COPG1: variants seen among roughly 807,000 people sequenced by gnomAD.
The protein encoded by COPG1 is coatomer subunit gamma-1.
In COPG1, 29 loss-of-function variants were observed where a neutral mutation model predicts 102.8. The ratio of observed to expected loss-of-function variants is 0.28; its 90% CI spans 0.21 to 0.38. The LOEUF (loss-of-function observed/expected upper bound fraction) is 0.38. COPG1 is among the 10% of genes least tolerant of loss of function. The pLI, the probability that COPG1 is intolerant of heterozygous loss-of-function variation, is 1.00. For missense variants in COPG1, 875 were observed against 1,132.7 expected (o/e 0.77, Z 3.27); for synonymous variants, 406 against 421.6 (o/e 0.96, Z 0.45).
Position 129,265,609 on chromosome 3 carries a change from T to G in COPG1, c.1285T>G (p.Ser429Ala), listed in dbSNP as rs1275854229. Residue 429 changes from serine (S) to alanine (A), a missense_variant, in exon 14 of 24, where the codon TCA becomes GCA. Coordinates refer to ENST00000314797, the MANE Select transcript of COPG1 (RefSeq NM_016128.4). ...CATCATCAGCATCATTGAAGAGAAC[T>G]CAGAGAGCAAGGAGACAGGGCTGTC... Reference protein sequence around the residue: ...DCIISIIEENSESKETGLSHL... With the variant: ...DCIISIIEENAESKETGLSHL... 7 of 1,614,158 alleles carry G rather than the reference T, an allele frequency of 4.3e-6. No homozygotes were observed. The highest frequency in any genetic ancestry group is 1.3e-5 in the African/African-American group (1 of 75,048).
At chr3:129,276,910 G>A (rs527453317) in intron 23 of COPG1, among the ~76,000 whole-genome samples, 132 of 143,304 alleles carry the variant, frequency 9.2e-4, no homozygotes, top group African/African-American at 3.3e-3. Context: ...TGCAACCTCC[G>A]CCTCCCGGGT....
At chr3:129,257,934 GAGAA>G in intron 10 of COPG1, 74 bp downstream of exon 10, 1 of 1,556,286 alleles carries the variant, frequency 6.4e-7, no homozygotes, top group Non-Finnish European at 8.7e-7. Context: ...CCCGGGCTAG[GAGAA>G]AGAAAGAAAA....
rs762084251 is a variant in COPG1, at chr3:129,265,573, A to G, written c.1249A>G (p.Ile417Val). ...EEGGFEYKRAIVDCIISIIEE... is the reference protein window; with the variant it reads ...EEGGFEYKRAVVDCIISIIEE... Reference sequence around the variant, plus strand: ...GGGTGGCTTTGAGTATAAGCGCGCTATCGTGGACTGCATCATCAGCATCAT... The same window carrying G: ...GGGTGGCTTTGAGTATAAGCGCGCTGTCGTGGACTGCATCATCAGCATCAT... The change falls in exon 14 of 24, where the codon ATC (isoleucine) becomes GTC (valine). Residue 417 changes from isoleucine (I) to valine (V), a missense_variant. Physicochemically the swap from Ile to Val is conservative, Grantham distance 29. Coordinates refer to ENST00000314797, the MANE Select transcript of COPG1 (RefSeq NM_016128.4). 39 of 1,614,198 alleles carry G rather than the reference A, an allele frequency of 2.4e-5. No individual in the cohort carries two copies. The highest frequency in any genetic ancestry group is 3.3e-5 in the Non-Finnish European group (39 of 1,180,032).
At position 129,277,551 on chromosome 3, in the gene COPG1, A is replaced by T; in HGVS notation, c.*127A>T. The T allele has an allele frequency of 4.4e-6, 4 of 899,654 alleles. No homozygotes were observed. Among genetic ancestry groups the T allele is most frequent in the Non-Finnish European group, 4.7e-6 (3 of 635,154 alleles). The allele number at this position is 899,654 out of a possible 1,614,324, so 55.7% of individuals were successfully genotyped here. On this transcript the variant is annotated 3_prime_UTR_variant, in exon 24 of 24. Transcript: ENST00000314797. ...GAAAAACAATTAGGAATCATTGCAG[A>T]TTTTTTTTTATTCTGCTCCCACCTC...
At chr3:129,252,408 G>A in intron 3 of COPG1, 47 bp downstream of exon 3, 1 of 1,337,514 alleles carries the variant, frequency 7.5e-7, no homozygotes, top group Non-Finnish European at 1.1e-6. Context: ...CTGGGGGATT[G>A]GAGGGGAGTG....
chr3:129,260,367 T>A lies in COPG1; in HGVS notation c.906T>A (p.Ala302=), dbSNP rs1553796665. 1.9e-6 allele frequency: 3 copies of A among 1,614,172 alleles called. No individual in the cohort carries two copies. The South Asian group carries it at 3.3e-5, about 18-fold the overall frequency. Residue 302 remains alanine (A), a synonymous_variant, in exon 11 of 24, where the codon GCT becomes GCA. Transcript: ENST00000314797. ...TTTTCTGCAGCTCACCCAAGGCTGCTCTCCGCTATGCTGCTGTTCGTACCC... is the reference window on the plus strand; with the variant it reads ...TTTTCTGCAGCTCACCCAAGGCTGCACTCCGCTATGCTGCTGTTCGTACCC... The part of the protein sequence containing the change: ...LQLFCSSPKA[A]LRYAAVRTLN...
At chr3:129,257,390 G>A (rs1398049385) in intron 8 of COPG1, 80 bp from the exon 9 acceptor site, 1 of 1,513,944 alleles carries the variant, frequency 6.6e-7, no homozygotes, top group Non-Finnish European at 9.1e-7. Context: ...TGAGAAGGCT[G>A]AAGGACCCAC....
intron 14 of COPG1, among the ~76,000 whole-genome samples, chr3:129,266,184 A>T (rs995401127): frequency 2.0e-5 from 3 of 152,010 alleles, no homozygotes; most frequent in Non-Finnish European, 2.9e-5. Flanking sequence ...GTAGGCCAGG[A>T]TTGTCTCGAT....
At position 129,263,891 on chromosome 3, in the gene COPG1, C is replaced by A; in HGVS notation, c.1129-13C>A. ...GGCAGGGCCTGCTGCTCATGCACGT[C>A]TATTTCATTTAGGTGGTGGTTGTCC... On this transcript the variant is annotated splice_polypyrimidine_tract_variant and intron_variant, in intron 12 of 23. Transcript: ENST00000314797. 1 of 1,612,526 alleles carries A rather than the reference C, an allele frequency of 6.2e-7. No homozygotes were observed. Among genetic ancestry groups the A allele is most frequent in the Non-Finnish European group, 8.5e-7 (1 of 1,178,502 alleles).
chr3:129,259,087 C>T (rs1478905326), intron 10 of COPG1, among the ~76,000 whole-genome samples: 2 of 152,114 alleles, frequency 1.3e-5, no homozygotes, highest in Admixed American at 1.3e-4. Context: ...TTATTCTCTA[C>T]TATAACAGTG....
Position 129,249,657 on chromosome 3 carries a change from G to A in COPG1, c.-53G>A. ...AGAACCACTGTGGCACCGCTACTCC[G>A]TGCCGCGCCCGTCGAGCATTGCGTT... On this transcript the variant is annotated 5_prime_UTR_variant, in exon 1 of 24. It adds an upstream start codon to the 5' untranslated region. Transcript: ENST00000314797. 6.5e-7 allele frequency: 1 copy of A among 1,547,668 alleles called. No individual in the cohort carries two copies. The highest frequency in any genetic ancestry group is 8.7e-7 in the Non-Finnish European group (1 of 1,144,652).
rs1940071462 is a variant in COPG1 at position 129,266,922 on chromosome 3, C to T, written c.1469-102C>T. On this transcript the variant is annotated intron_variant, in intron 14 of 23. Coordinates refer to ENST00000314797, the MANE Select transcript of COPG1 (RefSeq NM_016128.4). ...CCTCCTGGCTTGAGACTTCTTGCCT[C>T]TGGGGCTCTTCTGCCTGAAGACCCA... The T allele has an allele frequency of 1.7e-5, 17 of 987,390 alleles. No individual in the cohort carries two copies. The South Asian group carries it at 2.3e-4, about 13-fold the overall frequency. 61.2% of individuals were successfully genotyped at this position (987,390 alleles called of 1,614,324 possible). A position where few individuals can be genotyped will look rare whatever the true frequency, so the allele number is the denominator to read the frequency against.
rs1413196491 is a variant in COPG1 at position 129,272,238 on chromosome 3, GT to G, written c.1987-4del. On this transcript the variant is annotated splice_polypyrimidine_tract_variant and splice_region_variant and intron_variant, in intron 19 of 23. Transcript: ENST00000314797. Reference sequence around the variant, plus strand: ...ATGTTTAAGCTCCCCTCTCTTTCCTGTTCAGTTTGACTGCACAAACACACTC... The same window carrying G: ...ATGTTTAAGCTCCCCTCTCTTTCCTGTCAGTTTGACTGCACAAACACACTC... 107 of 1,613,404 alleles carry G rather than the reference GT, an allele frequency of 6.6e-5. No homozygotes were observed. Among genetic ancestry groups the G allele is most frequent in the Non-Finnish European group, 8.9e-5 (105 of 1,179,498 alleles).
chr3:129,259,859 C>T (rs778858744), intron 10 of COPG1, among the ~76,000 whole-genome samples: 1 of 152,300 alleles, frequency 6.6e-6, no homozygotes, highest in Non-Finnish European at 1.5e-5. Flanking sequence ...CTGTTGGATC[C>T]TGTAGACACA....
chr3:129,250,829 C>A, intron 2 of COPG1, 95 bp downstream of exon 2: 3 of 1,150,652 alleles, frequency 2.6e-6, no homozygotes, highest in Non-Finnish European at 3.9e-6. Context: ...TTTTAAAGAG[C>A]AACACGGGAG....
chr3:129,253,114 G>C (rs1369989123), intron 5 of COPG1, 159 bp downstream of exon 5: 2 of 586,550 alleles, frequency 3.4e-6, no homozygotes, highest in Non-Finnish European at 6.1e-6. Flanking sequence ...CAGCCTCCAG[G>C]TGTGCTGTTT....
In COPG1 at chr3:129,257,497, G is replaced by A; in HGVS notation, c.607G>A (p.Val203Met). ...QYHALGLLYH[V>M]RKNDRLAVNK... ...CCACGCACTAGGGCTCCTGTACCAT[G>A]TGCGTAAGAATGACCGCCTAGCCGT... The change falls in exon 9 of 24, where the codon GTG becomes ATG. Residue 203 changes from valine (V) to methionine (M), a missense_variant. Coordinates refer to ENST00000314797, the MANE Select transcript of COPG1 (RefSeq NM_016128.4). 1 of 1,614,216 alleles carries A rather than the reference G, an allele frequency of 6.2e-7. No individual in the cohort carries two copies. Among genetic ancestry groups the A allele is most frequent in the Non-Finnish European group, 8.5e-7 (1 of 1,180,038 alleles).
rs1297115964 is a variant in COPG1 at position 129,249,700 on chromosome 3, C to T, written c.-10C>T. The stretch of plus-strand genomic sequence containing the variant: ...ATTGCGTTGCTGCATTGCGCCCCAC[C>T]GACTCCACTATGTTGAAGAAATTCG... On this transcript the variant is annotated 5_prime_UTR_variant, in exon 1 of 24. Transcript: ENST00000314797. 5.8e-6 allele frequency: 9 copies of T among 1,551,288 alleles called. No homozygotes were observed. The East Asian group carries it at 2.0e-4, about 34-fold the overall frequency.
rs1369620782 is a variant in COPG1, at chr3:129,265,778, A to C, written c.1454A>C (p.Glu485Ala). The C allele has an allele frequency of 6.2e-6, 10 of 1,614,068 alleles. No homozygotes were observed. Among genetic ancestry groups the C allele is most frequent in the Non-Finnish European group, 8.5e-6 (10 of 1,179,972 alleles). ...FIYNRVVLEH[E>A]EVRAGAVSAL... is the part of the protein sequence containing the mutation. ...TATAACCGAGTGGTCTTGGAGCATG[A>C]GGAGGTCCGGGCAGGTAGGTCTGAG... The change falls in exon 14 of 24, where the codon GAG becomes GCG. Residue 485 changes from glutamate (E) to alanine (A), a missense_variant. Coordinates refer to ENST00000314797, the MANE Select transcript of COPG1 (RefSeq NM_016128.4).
Sources: allele counts gnomAD v4.1 joint callset (sites outside exome capture counted in the v4.1 genomes callset), GRCh38; gene constraint gnomAD v4.1.1; transcripts MANE v1.5; gene names NCBI Gene and HGNC (gene_info 2026-07-23, HGNC 2026-07-21).